WNK4: variants seen among roughly 807,000 people sequenced by gnomAD.
WNK4 encodes serine/threonine-protein kinase WNK4.
A neutral mutation model predicts 116.2 loss-of-function variants in WNK4; 94 were observed. The observed-to-expected ratio is 0.81, with a 90% confidence interval of 0.68 to 0.96. WNK4 has a LOEUF of 0.96. WNK4 is among the 40% of genes least tolerant of loss of function. WNK4 has a pLI of 0.00. For synonymous variants in WNK4, 655 were observed against 672.7 expected (o/e 0.97, Z 0.41); for missense variants, 1,542 against 1,650.6 (o/e 0.93, Z 1.14).
chr17:42,789,830 C>A (rs2054591415), intron 11 of WNK4, among the ~76,000 whole-genome samples: 1 of 151,680 alleles, frequency 6.6e-6, no homozygotes, highest in South Asian at 2.1e-4. Context: ...TATAATGAGA[C>A]CCTATCTCTA....
Position 42,782,979 on chromosome 17 carries a change from C to T in WNK4, c.791+49C>T, listed in dbSNP as rs1363157545. The stretch of plus-strand genomic sequence containing the variant: ...GGGGAGAGGGAGGCTGGGATGTGTG[C>T]CCACTGCTTCCTGAACTCCCAGGCT... On this transcript the variant is annotated intron_variant, in intron 2 of 18. Coordinates refer to ENST00000246914, the MANE Select transcript of WNK4 (RefSeq NM_032387.5). The surrounding 1 kb of genome is among the most constrained non-coding windows in gnomAD (Gnocchi z 4.2). The T allele has an allele frequency of 1.3e-6, 2 of 1,598,284 alleles. No individual in the cohort carries two copies. Among genetic ancestry groups the T allele is most frequent in the Non-Finnish European group, 8.5e-7 (1 of 1,171,646 alleles).
Position 42,794,604 on chromosome 17 carries a change from T to C in WNK4, c.2296-10T>C. Reference sequence around the variant, plus strand: ...CCCACTGTGACTGCGGACTCCTTTTTCTGCCTCAGGAGGAGCCAGCACCAT... The same window carrying C: ...CCCACTGTGACTGCGGACTCCTTTTCCTGCCTCAGGAGGAGCCAGCACCAT... On this transcript the variant is annotated splice_polypyrimidine_tract_variant and intron_variant, in intron 12 of 18. Transcript: ENST00000246914. 6.2e-7 allele frequency: 1 copy of C among 1,613,864 alleles called. No homozygotes were observed. The highest frequency in any genetic ancestry group is 8.5e-7 in the Non-Finnish European group (1 of 1,179,932).
chr17:42,784,143 C>T lies in WNK4; in HGVS notation c.998C>T (p.Ala333Val). The T allele has an allele frequency of 6.2e-7, 1 of 1,606,642 alleles. No individual in the cohort carries two copies. The highest frequency in any genetic ancestry group is 2.2e-5 in the East Asian group (1 of 44,890). ...GLATLKRASF[A>V]KSVIGTPEFM... is the part of the protein sequence containing the mutation. ...GCCACGCTCAAGCGCGCCTCCTTTG[C>T]CAAGAGTGTCATCGGTGCGTCTCTC... Residue 333 changes from alanine to valine, a missense_variant, in exon 3 of 19, where the codon GCC becomes GTC. By Grantham distance (64) the Ala-to-Val change is moderately conservative (BLOSUM62 0). This residue lies in a region of WNK4 where 808 missense variants were observed against 873.6 expected (regional missense o/e 0.92). Transcript: ENST00000246914. The surrounding 1 kb of genome is among the most constrained non-coding windows in gnomAD (Gnocchi z 4.4).
Position 42,790,950 on chromosome 17 carries a change from C to T in WNK4, c.2157+2153C>T, listed in dbSNP as rs61755610. 2.4e-3 allele frequency among the ~76,000 whole-genome samples: 361 copies of T among 152,278 alleles called. 1 individual carries two copies. Among genetic ancestry groups the T allele is most frequent in the African/African-American group, 8.5e-3 (353 of 41,546 alleles). On this transcript the variant is annotated intron_variant, in intron 11 of 18. Transcript: ENST00000246914. Reference sequence around the variant, plus strand: ...CTGGCACACAAGGCTCATCACCTTCCGTCAAACCACTTGACTCTTTCAGAG... The same window carrying T: ...CTGGCACACAAGGCTCATCACCTTCTGTCAAACCACTTGACTCTTTCAGAG...
Position 42,796,850 on chromosome 17 carries a change from T to C in WNK4, c.*162T>C. The C allele has an allele frequency of 2.8e-6, 4 of 1,417,120 alleles. No homozygotes were observed. The highest frequency in any genetic ancestry group is 3.9e-6 in the Non-Finnish European group (4 of 1,022,018). The allele number at this position is 1,417,120 out of a possible 1,614,324, so 87.8% of individuals were successfully genotyped here. A position where few individuals can be genotyped will look rare whatever the true frequency, so the allele number is the denominator to read the frequency against. Reference sequence around the variant, plus strand: ...CATGGAGAGTGCAGCTCCATTATAGTGAAGAGCCAAACATATGTGAACTGT... The same window carrying C: ...CATGGAGAGTGCAGCTCCATTATAGCGAAGAGCCAAACATATGTGAACTGT... On this transcript the variant is annotated 3_prime_UTR_variant, in exon 19 of 19. Transcript: ENST00000246914.
intron 11 of WNK4, among the ~76,000 whole-genome samples, chr17:42,790,850 C>T (rs1340615965): frequency 1.3e-5 from 2 of 152,096 alleles, no homozygotes; most frequent in Non-Finnish European, 2.9e-5. Context: ...AAACACCAGG[C>T]ATCAGGAGCC....
At position 42,780,741 on chromosome 17, in the gene WNK4, C is replaced by T. The variant is rs766110219; in HGVS notation, c.43C>T (p.Gln15Ter). ...PATETTVLMS[Q>*]TEADLALRPP... is the part of the protein sequence containing the mutation. ...CACGGAGACCACCGTCCTCATGTCC[C>T]AGACTGAGGCCGACCTGGCCCTGCG... Residue 15 changes from glutamine (Q) to a stop codon, truncating the protein, a stop_gained, in exon 1 of 19, where the codon CAG becomes TAG. Transcript: ENST00000246914. LOFTEE classifies it high-confidence loss of function. 1 of 1,608,964 alleles carries T rather than the reference C, an allele frequency of 6.2e-7. No individual in the cohort carries two copies. The highest frequency in any genetic ancestry group is 8.5e-7 in the Non-Finnish European group (1 of 1,179,548).
At position 42,782,397 on chromosome 17, in the gene WNK4, C is replaced by CGCCTGCT. The variant is rs1215255948; in HGVS notation, c.619-353_619-347dup. Among the ~76,000 whole-genome samples the CGCCTGCT allele has an allele frequency of 1.3e-5, 2 of 152,260 alleles. No homozygotes were observed. Among genetic ancestry groups the CGCCTGCT allele is most frequent in the African/African-American group, 4.8e-5 (2 of 41,462 alleles). ...TCCCTGCCCGCAGTATCCTGCTGCC[C>CGCCTGCT]GCCTGCTGCCTGCTCACTGCCAGCC... On this transcript the variant is annotated intron_variant, in intron 1 of 18. Coordinates refer to ENST00000246914, the MANE Select transcript of WNK4 (RefSeq NM_032387.5). The surrounding 1 kb of genome is among the most constrained non-coding windows in gnomAD (Gnocchi z 4.2).
chr17:42,780,729 G>A lies in WNK4; in HGVS notation c.31G>A (p.Val11Ile). ...GGCATCCCCGGCCACGGAGACCACC[G>A]TCCTCATGTCCCAGACTGAGGCCGA... MLASPATETTVLMSQTEADLA... is the reference protein window; with the variant it reads MLASPATETTILMSQTEADLA... The change falls in exon 1 of 19, where the codon GTC becomes ATC. Residue 11 changes from valine to isoleucine, a missense_variant. Val to Ile is a conservative substitution (Grantham distance 29). This residue lies in a region of WNK4 where 243 missense variants were observed against 217.8 expected (regional missense o/e 1.12). Transcript: ENST00000246914. 2 of 1,608,910 alleles carry A rather than the reference G, an allele frequency of 1.2e-6. No individual in the cohort carries two copies. The highest frequency in any genetic ancestry group is 1.7e-6 in the Non-Finnish European group (2 of 1,179,530).
Position 42,785,399 on chromosome 17 carries a change from G to C in WNK4, c.1393G>C (p.Gly465Arg). The C allele has an allele frequency of 1.3e-6, 2 of 1,581,518 alleles. No homozygotes were observed. Among genetic ancestry groups the C allele is most frequent in the Non-Finnish European group, 1.7e-6 (2 of 1,163,630 alleles). Residue 465 changes from glycine (G) to arginine (R), a missense_variant, in exon 6 of 19, where the codon GGG (glycine) becomes CGG (arginine). Physicochemically the swap from Gly to Arg is moderately radical, Grantham distance 125. Around this residue, in one of 7 missense-constraint regions of WNK4, gnomAD observed 808 missense variants for 873.6 expected, o/e 0.92. Coordinates refer to ENST00000246914, the MANE Select transcript of WNK4 (RefSeq NM_032387.5). ...GCTGCGCATGGAGGACGCGCGGCGC[G>C]GGGGGCGCCCACGGGACAACCAGGC... ...LWLRMEDARR[G>R]GRPRDNQAIE...
chr17:42,781,217 C>CTT lies in WNK4; in HGVS notation c.519_520insTT (p.Leu174PhefsTer20). On this transcript the variant is annotated frameshift_variant, in exon 1 of 19. Coordinates refer to ENST00000246914, the MANE Select transcript of WNK4 (RefSeq NM_032387.5). LOFTEE classifies it high-confidence loss of function. ...TGGCAACGTCCCCCGATGGCCGATA[C>CTT]CTCAAGTTTGACATCGAGATTGGAC... is the stretch of plus-strand genomic sequence containing the variant. 1 of 1,614,154 alleles carries CTT rather than the reference C, an allele frequency of 6.2e-7. No individual in the cohort carries two copies.
At position 42,782,358 on chromosome 17, in the gene WNK4, T is replaced by C. The variant is rs2054493347; in HGVS notation, c.619-400T>C. On this transcript the variant is annotated intron_variant, in intron 1 of 18. Coordinates refer to ENST00000246914, the MANE Select transcript of WNK4 (RefSeq NM_032387.5). This position sits in a 1 kb window ranked among gnomAD's most constrained non-coding sequence, Gnocchi z 4.2. ...AGTTCTGTTTCTGGGGCCAACCCCC[T>C]TGCCGGCCCCAATTCCCTGCCCGCA... Among the ~76,000 whole-genome samples, 1 of 152,220 alleles carries C rather than the reference T, an allele frequency of 6.6e-6. No individual in the cohort carries two copies. Among genetic ancestry groups the C allele is most frequent in the Non-Finnish European group, 1.5e-5 (1 of 68,030 alleles).
At chr17:42,789,240 T>C (rs1215121927) in intron 11 of WNK4, among the ~76,000 whole-genome samples, 1 of 152,110 alleles carries the variant, frequency 6.6e-6, no homozygotes, top group Non-Finnish European at 1.5e-5. Flanking sequence ...TCTTGGAATA[T>C]GGGGCTGGGA....
chr17:42,795,432 T>C, intron 14 of WNK4, 29 bp from the exon 15 acceptor site: 1 of 1,614,158 alleles, frequency 6.2e-7, no homozygotes, highest in Non-Finnish European at 8.5e-7. Context: ...CTCTGCACTC[T>C]TCCCTTCTCA....
chr17:42,795,179 G>A lies in WNK4; in HGVS notation c.2758G>A (p.Ala920Thr). The part of the protein sequence containing the change: ...PSTSSFPSTT[A>T]APLLSLASAF... ...CACTTCTTCCTTCCCCTCCACCACAGCAGCCCCTCTCCTTTCTCTGGCTAG... is the reference window on the plus strand; with the variant it reads ...CACTTCTTCCTTCCCCTCCACCACAACAGCCCCTCTCCTTTCTCTGGCTAG... The change falls in exon 14 of 19, where the codon GCA becomes ACA. Residue 920 changes from alanine (A) to threonine (T), a missense_variant. Transcript: ENST00000246914. 1 of 1,613,630 alleles carries A rather than the reference G, an allele frequency of 6.2e-7. No homozygotes were observed. The highest frequency in any genetic ancestry group is 1.1e-5 in the South Asian group (1 of 91,060).
intron 11 of WNK4, among the ~76,000 whole-genome samples, chr17:42,790,078 A>G (rs1324257447): frequency 6.6e-6 from 1 of 152,152 alleles, no homozygotes; most frequent in African/African-American, 2.4e-5. Context: ...ATCATCTGCC[A>G]TGGGATGTGG....
intron 2 of WNK4, among the ~76,000 whole-genome samples, chr17:42,783,146 C>A (rs1042573155): frequency 6.6e-6 from 1 of 152,172 alleles, no homozygotes; most frequent in East Asian, 1.9e-4. Flanking sequence ...TCCTCTTTCT[C>A]CACTCTGCCC....
rs2054499439 is a variant in WNK4 at position 42,782,810 on chromosome 17, T to C, written c.671T>C (p.Met224Thr). 1 of 1,614,192 alleles carries C rather than the reference T, an allele frequency of 6.2e-7. No individual in the cohort carries two copies. The highest frequency in any genetic ancestry group is 1.3e-5 in the African/African-American group (1 of 75,046). Residue 224 changes from methionine (M) to threonine (T), a missense_variant, in exon 2 of 19, where the codon ATG becomes ACG. By Grantham distance (81) the Met-to-Thr change is moderately conservative. Coordinates refer to ENST00000246914, the MANE Select transcript of WNK4 (RefSeq NM_032387.5). This position sits in a 1 kb window ranked among gnomAD's most constrained non-coding sequence, Gnocchi z 4.2. ...ERQRFSEEVEMLKGLQHPNIV... is the reference protein window; with the variant it reads ...ERQRFSEEVETLKGLQHPNIV... ...CAGCGCTTCTCAGAGGAGGTGGAGATGCTCAAGGGGCTGCAGCACCCCAAC... is the reference window on the plus strand; with the variant it reads ...CAGCGCTTCTCAGAGGAGGTGGAGACGCTCAAGGGGCTGCAGCACCCCAAC...
rs983027394 is a variant in WNK4 at position 42,782,504 on chromosome 17, C to T, written c.619-254C>T. Among the ~76,000 whole-genome samples the T allele has an allele frequency of 2.2e-4, 34 of 152,258 alleles. No homozygotes were observed. The highest frequency in any genetic ancestry group is 5.9e-5 in the Non-Finnish European group (4 of 68,042). On this transcript the variant is annotated intron_variant, in intron 1 of 18. Coordinates refer to ENST00000246914, the MANE Select transcript of WNK4 (RefSeq NM_032387.5). The surrounding 1 kb of genome is among the most constrained non-coding windows in gnomAD (Gnocchi z 4.2). ...AGCTCAGGGCTCTGGGACCGGGCTG[C>T]ATAAAGGTGCTTGTGTCCAGCAGGG...
Sources: allele counts gnomAD v4.1 joint callset (sites outside exome capture counted in the v4.1 genomes callset), GRCh38; gene constraint gnomAD v4.1.1; regional missense constraint gnomAD v4.1.1; non-coding constraint Gnocchi (gnomAD v3.1); transcripts MANE v1.5; gene names NCBI Gene and HGNC (gene_info 2026-07-23, HGNC 2026-07-21).